The following DOCK6 variants were observed in gnomAD, a reference collection of about 807,000 sequenced individuals.
DOCK6 encodes the protein dedicator of cytokinesis 6.
DOCK6 carries 167 observed loss-of-function variants against 230.3 expected under a neutral mutation model. The ratio of observed to expected loss-of-function variants is 0.73; its 90% CI spans 0.64 to 0.82. DOCK6 has a LOEUF of 0.82. Ranked by LOEUF, DOCK6 falls within the 40% of genes least tolerant of loss-of-function variation. The pLI, the probability that DOCK6 is intolerant of heterozygous loss-of-function variation, is 0.00. For synonymous variants in DOCK6, 1,148 were observed against 1,185.0 expected, an observed-to-expected ratio of 0.97 and a Z score of 0.64; for missense variants, 2,598 against 2,825.8, an observed-to-expected ratio of 0.92 and a Z score of 1.83.
chr19:11,215,550 G>T (rs1032601944), intron 31 of DOCK6, 79 bp from the exon 32 acceptor site: 1 of 1,444,058 alleles, frequency 6.9e-7, no homozygotes, highest in South Asian at 1.2e-5. Context: ...GCACAGGCAT[G>T]AAGATATTCA....
At chr19:11,217,626 C>T (rs995484034) in intron 28 of DOCK6, among the ~76,000 whole-genome samples, 1 of 151,022 alleles carries the variant, frequency 6.6e-6, no homozygotes, top group East Asian at 2.0e-4. Flanking sequence ...GGTGTGGTGG[C>T]GGGCGCCTGT....
chr19:11,237,635 GCT>G lies in DOCK6; in HGVS notation c.1971+4_1971+5del. ...CTCAGGGGGAGGGAGGGAGGGGACGGCTCACAGTAAAGCCCACGGGTGTCTCC... is the reference window on the plus strand; with the variant it reads ...CTCAGGGGGAGGGAGGGAGGGGACGGCACAGTAAAGCCCACGGGTGTCTCC... On this transcript the variant is annotated splice_donor_5th_base_variant and intron_variant, in intron 17 of 47. Transcript: ENST00000294618. The G allele has an allele frequency of 6.3e-7, 1 of 1,593,502 alleles. No individual in the cohort carries two copies. The highest frequency in any genetic ancestry group is 8.5e-7 in the Non-Finnish European group (1 of 1,170,726).
chr19:11,224,958 G>A (rs1473721894), intron 24 of DOCK6, among the ~76,000 whole-genome samples: 2 of 152,168 alleles, frequency 1.3e-5, no homozygotes, highest in Non-Finnish European at 2.9e-5. Context: ...CAGCTACTTG[G>A]GAGGCTGAGC....
At chr19:11,229,550 A>G (rs1312683380) in intron 22 of DOCK6, among the ~76,000 whole-genome samples, 15 of 152,106 alleles carry the variant, frequency 9.9e-5, no homozygotes, top group Non-Finnish European at 2.2e-4. Context: ...GACCAGGGCC[A>G]TGGATGCCAA....
chr19:11,244,307 T>C (rs2079998549), intron 9 of DOCK6, among the ~76,000 whole-genome samples: 1 of 150,322 alleles, frequency 6.7e-6, no homozygotes, highest in South Asian at 2.1e-4. Context: ...AATTTTTTTT[T>C]TTAGACAGAG....
intron 7 of DOCK6, among the ~76,000 whole-genome samples, chr19:11,246,398 G>A (rs1157428814): frequency 2.6e-5 from 4 of 152,020 alleles, no homozygotes; most frequent in South Asian, 4.2e-4. Flanking sequence ...GAGCCATCAC[G>A]TCCCCGGCTT....
At chr19:11,238,401 C>G in intron 14 of DOCK6, 97 bp from the exon 15 acceptor site, 1 of 1,149,808 alleles carries the variant, frequency 8.7e-7, no homozygotes, top group Non-Finnish European at 1.2e-6. Context: ...GGAGCACAGA[C>G]AGTCCAGGAA....
At chr19:11,217,156 C>A (rs574499266) in intron 29 of DOCK6, 60 bp from the exon 30 acceptor site, 4 of 1,597,250 alleles carry the variant, frequency 2.5e-6, no homozygotes, top group Middle Eastern at 1.7e-4. Context: ...TGAATCCTGG[C>A]CAATCTGTAT....
intron 1 of DOCK6, among the ~76,000 whole-genome samples, chr19:11,254,940 C>T (rs899966027): frequency 1.3e-5 from 2 of 152,168 alleles, no homozygotes; most frequent in African/African-American, 4.8e-5. Context: ...TCCCTGGGGT[C>T]TCTGTGAAGG....
intron 1 of DOCK6, among the ~76,000 whole-genome samples, chr19:11,258,734 A>G (rs949772958): frequency 6.8e-6 from 1 of 147,236 alleles, no homozygotes; most frequent in African/African-American, 2.5e-5. Context: ...CGCCCGGCCT[A>G]TAACTATTCT....
Position 11,201,116 on chromosome 19 carries a change from C to CG in DOCK6, c.5689-65dup. 1 of 1,586,690 alleles carries CG rather than the reference C, an allele frequency of 6.3e-7. No individual in the cohort carries two copies. The highest frequency in any genetic ancestry group is 8.6e-7 in the Non-Finnish European group (1 of 1,168,816). ...TGAGGAGGTCCTGATCGAAGCCAGT[C>CG]GGGGGCAGCTCAGACCCCGCTGGGA... On this transcript the variant is annotated intron_variant, in intron 44 of 47. Coordinates refer to ENST00000294618, the MANE Select transcript of DOCK6 (RefSeq NM_020812.4). The surrounding 1 kb of genome is among the most constrained non-coding windows in gnomAD (Gnocchi z 4.3).
chr19:11,242,314 A>C, intron 13 of DOCK6, 107 bp from the exon 14 acceptor site: 1 of 1,171,482 alleles, frequency 8.5e-7, no homozygotes, highest in Non-Finnish European at 1.1e-6. Flanking sequence ...TTCTCTGGGG[A>C]CTGGGGGCTG....
Position 11,243,017 on chromosome 19 carries a change from G to C in DOCK6, c.1480+42C>G. On this transcript the variant is annotated intron_variant, in intron 13 of 47. Transcript: ENST00000294618. The surrounding 1 kb of genome is among the most constrained non-coding windows in gnomAD (Gnocchi z 6.3). ...CTCAGTGTAGGTTTGTTGAGTGGCTGAGTGAGAGTGATACTTCTTGTGTAT... is the reference window on the plus strand; with the variant it reads ...CTCAGTGTAGGTTTGTTGAGTGGCTCAGTGAGAGTGATACTTCTTGTGTAT... 2 of 1,607,670 alleles carry C rather than the reference G, an allele frequency of 1.2e-6. No individual in the cohort carries two copies. The highest frequency in any genetic ancestry group is 1.7e-6 in the Non-Finnish European group (2 of 1,176,078).
intron 24 of DOCK6, 119 bp downstream of exon 24, chr19:11,227,218 A>T: frequency 7.2e-7 from 1 of 1,382,808 alleles, no homozygotes; most frequent in Non-Finnish European, 9.9e-7. Context: ...GGATCCACCC[A>T]GCAAAGTGGA....
chr19:11,246,875 C>T (rs960945930), intron 7 of DOCK6, among the ~76,000 whole-genome samples: 3 of 152,138 alleles, frequency 2.0e-5, no homozygotes, highest in Non-Finnish European at 4.4e-5. Context: ...ACACTGAGCA[C>T]TCCCCGTTAC....
rs567681324 is a variant in DOCK6, at chr19:11,201,180, T to G, written c.5689-128A>C. The G allele has an allele frequency of 2.5e-6, 3 of 1,220,734 alleles. No individual in the cohort carries two copies. Among genetic ancestry groups the G allele is most frequent in the East Asian group, 2.6e-5 (1 of 39,138 alleles). 75.6% of individuals were successfully genotyped at this position (1,220,734 alleles called of 1,614,324 possible). A position where few individuals can be genotyped will look rare whatever the true frequency, so the allele number is the denominator to read the frequency against. ...AAGAACCCAGGCAATGAACAGAATC[T>G]GGGGGCCTTCCTGGGTCTGACTCTG... On this transcript the variant is annotated intron_variant, in intron 44 of 47. Transcript: ENST00000294618. This position sits in a 1 kb window ranked among gnomAD's most constrained non-coding sequence, Gnocchi z 4.3.
At chr19:11,240,434 C>T (rs2079924977) in intron 14 of DOCK6, 7 of 888,210 alleles carry the variant, frequency 7.9e-6, no homozygotes, top group Non-Finnish European at 1.1e-5. Flanking sequence ...CCAGACAAAA[C>T]TCAAGTCCTT....
At position 11,248,162 on chromosome 19, in the gene DOCK6, T is replaced by TGG; in HGVS notation, c.721-13_721-12dup. 1 of 1,155,110 alleles carries TGG rather than the reference T, an allele frequency of 8.7e-7. No homozygotes were observed. 71.6% of individuals were successfully genotyped at this position (1,155,110 alleles called of 1,614,324 possible). A position where few individuals can be genotyped will look rare whatever the true frequency, so the allele number is the denominator to read the frequency against. Reference sequence around the variant, plus strand: ...TTCCACGGCTTCATCCTGCCAAGAGTGGGGGGTGGGAGCTGGGCGGGAGGA... The same window carrying TGG: ...TTCCACGGCTTCATCCTGCCAAGAGTGGGGGGGGTGGGAGCTGGGCGGGAGGA... On this transcript the variant is annotated splice_polypyrimidine_tract_variant and intron_variant, in intron 6 of 47. Coordinates refer to ENST00000294618, the MANE Select transcript of DOCK6 (RefSeq NM_020812.4).
At chr19:11,219,637 A>G (rs550939248) in intron 28 of DOCK6, among the ~76,000 whole-genome samples, 89 of 151,836 alleles carry the variant, frequency 5.9e-4, no homozygotes, top group Non-Finnish European at 9.9e-4. Context: ...AAATACAAAA[A>G]AAACTAGTCA....
Sources: allele counts gnomAD v4.1 joint callset (sites outside exome capture counted in the v4.1 genomes callset), GRCh38; gene constraint gnomAD v4.1.1; non-coding constraint Gnocchi (gnomAD v3.1); transcripts MANE v1.5; gene names NCBI Gene and HGNC (gene_info 2026-07-23, HGNC 2026-07-21).